ERICH1: variants seen among roughly 807,000 people sequenced by gnomAD.
The protein encoded by ERICH1 is glutamate rich 1.
Under a neutral mutation model 39.6 loss-of-function variants are expected in ERICH1, and 56 were observed. That is an observed-to-expected ratio of 1.41 (90% CI 1.14 to 1.77). The LOEUF is 1.77. Ranked by LOEUF, ERICH1 falls within the 40% of genes most tolerant of loss-of-function variation. The pLI, the probability that ERICH1 is intolerant of heterozygous loss-of-function variation, is 0.00. For synonymous variants in ERICH1, 313 were observed against 223.6 expected (o/e 1.40, Z -3.57); for missense variants, 826 against 575.4 (o/e 1.44, Z -4.45).
At chr8:618,497 G>A (rs1398941350) in intron 3 of ERICH1, among the ~76,000 whole-genome samples, 1 of 152,248 alleles carries the variant, frequency 6.6e-6, no homozygotes, top group Non-Finnish European at 1.5e-5. Flanking sequence ...ACTGCCCGGA[G>A]CAGTGCATGG....
chr8:682,081 A>ATTT (rs749811721), intron 3 of ERICH1, among the ~76,000 whole-genome samples: 152,034 of 152,038 alleles, frequency 1, 76,015 homozygotes, highest in Non-Finnish European at 1. Flanking sequence ...CATGATGAGT[A>ATTT]GGTCTTGAGC....
intron 1 of ERICH1, among the ~76,000 whole-genome samples, chr8:727,140 C>A (rs544359344): frequency 6.6e-6 from 1 of 152,166 alleles, no homozygotes; most frequent in Non-Finnish European, 1.5e-5. Context: ...CACACCTGCA[C>A]AGATGCACAC....
At chr8:686,977 A>G (rs1807565643) in intron 3 of ERICH1, among the ~76,000 whole-genome samples, 1 of 152,194 alleles carries the variant, frequency 6.6e-6, no homozygotes, top group East Asian at 1.9e-4. Flanking sequence ...CCCACGAGCC[A>G]CTCTGGAAAG....
At chr8:615,433 T>G (rs1168859579) in intron 3 of ERICH1, 12 of 505,422 alleles carry the variant, frequency 2.4e-5, no homozygotes, top group Non-Finnish European at 4.1e-5. Flanking sequence ...AACAGAACAA[T>G]GATCAAAGCA....
chr8:626,379 G>A (rs558065159), intron 3 of ERICH1: 2 of 152,300 alleles, frequency 1.3e-5, no homozygotes. Context: ...CTTGTCTCCT[G>A]AGCCACGTCC....
chr8:627,296 G>T, intron 3 of ERICH1: 1 of 436,770 alleles, frequency 2.3e-6, no homozygotes, highest in Admixed American at 2.4e-5. Flanking sequence ...TGTATAACAG[G>T]CCAGGGGCTG....
chr8:655,763 A>C (rs1800580685), intron 3 of ERICH1, among the ~76,000 whole-genome samples: 2 of 143,372 alleles, frequency 1.4e-5, no homozygotes, highest in Admixed American at 7.0e-5. Context: ...ACAGTCACAC[A>C]CGGTAGACAG....
intron 1 of ERICH1, 151 bp downstream of exon 1, chr8:730,989 T>TG: frequency 1.2e-6 from 1 of 840,838 alleles, no homozygotes; most frequent in East Asian, 3.5e-5. Context: ...GAGCGGGGGA[T>TG]GGGTAGGGAC....
chr8:721,397 G>C (rs902608810), intron 1 of ERICH1, among the ~76,000 whole-genome samples: 4 of 152,202 alleles, frequency 2.6e-5, no homozygotes, highest in Admixed American at 2.0e-4. Flanking sequence ...CCCAGCCCCA[G>C]AGATGAGAGC....
intron 3 of ERICH1, among the ~76,000 whole-genome samples, chr8:677,748 G>A (rs533438863): frequency 4.1e-4 from 62 of 152,320 alleles, no homozygotes; most frequent in African/African-American, 1.4e-3. Flanking sequence ...CTGCCTTCAT[G>A]AATTTGGAGA....
At chr8:629,760 A>G (rs1244362850) in intron 3 of ERICH1, among the ~76,000 whole-genome samples, 1 of 143,388 alleles carries the variant, frequency 7.0e-6, no homozygotes, top group Non-Finnish European at 1.5e-5. Flanking sequence ...GAGCTGACTC[A>G]CACCCTCCTG....
intron 3 of ERICH1, among the ~76,000 whole-genome samples, chr8:628,064 T>C (rs1392207647): frequency 6.6e-6 from 1 of 152,124 alleles, no homozygotes; most frequent in Non-Finnish European, 1.5e-5. Flanking sequence ...CTCAACTAAA[T>C]GGCCCTCTCT....
intron 3 of ERICH1, chr8:640,955 T>C (rs1361299395): frequency 6.6e-6 from 1 of 152,218 alleles, no homozygotes; most frequent in Non-Finnish European, 1.5e-5. Context: ...GAGGGAGATA[T>C]GGAATGCAAC....
chr8:694,572 C>T lies in ERICH1; in HGVS notation c.170-1960G>A, dbSNP rs569610221. On this transcript the variant is annotated intron_variant, in intron 2 of 5. Transcript: ENST00000262109. ...AGACAGTTCCGGTCTGTGGGGTGAC[C>T]GCGGGCCAGGGCTGCACTTCTAAGC... Among the ~76,000 whole-genome samples, 9 of 152,250 alleles carry T rather than the reference C, an allele frequency of 5.9e-5. No individual in the cohort carries two copies. The South Asian group carries it at 1.7e-3, about 28-fold the overall frequency.
chr8:630,507 A>G (rs867733311), intron 3 of ERICH1, among the ~76,000 whole-genome samples: 3 of 122,222 alleles, frequency 2.5e-5, no homozygotes, highest in African/African-American at 3.4e-5. Flanking sequence ...CCACCCACAC[A>G]GACAGAGCTG....
At chr8:727,397 G>T (rs1819021254) in intron 1 of ERICH1, among the ~76,000 whole-genome samples, 1 of 152,190 alleles carries the variant, frequency 6.6e-6, no homozygotes, top group Non-Finnish European at 1.5e-5. Context: ...TCCACTCCCT[G>T]AGGTGCAGGA....
chr8:624,895 T>A (rs1417124609), intron 3 of ERICH1, among the ~76,000 whole-genome samples: 7 of 151,754 alleles, frequency 4.6e-5, no homozygotes, highest in Admixed American at 4.6e-4. Flanking sequence ...CCTGGCTAAT[T>A]TTTTGTATTT....
intron 2 of ERICH1, among the ~76,000 whole-genome samples, chr8:697,356 C>T (rs1810560584): frequency 2.0e-5 from 3 of 152,206 alleles, no homozygotes; most frequent in Middle Eastern, 6.8e-3. Flanking sequence ...GGTGCAACGC[C>T]GACCCCACGA....
At chr8:681,579 T>G (rs970638348) in intron 3 of ERICH1, among the ~76,000 whole-genome samples, 1 of 152,238 alleles carries the variant, frequency 6.6e-6, no homozygotes, top group African/African-American at 2.4e-5. Context: ...CCACCTAACA[T>G]AGACAGAGGG....
Sources: allele counts gnomAD v4.1 joint callset (sites outside exome capture counted in the v4.1 genomes callset), GRCh38; gene constraint gnomAD v4.1.1; transcripts MANE v1.5; gene names NCBI Gene and HGNC (gene_info 2026-07-23, HGNC 2026-07-21).